The following PIK3R5 variants were observed in gnomAD, a reference collection of about 807,000 sequenced individuals.
PIK3R5 encodes the protein phosphoinositide-3-kinase regulatory subunit 5.
Under a neutral mutation model 94.9 loss-of-function variants are expected in PIK3R5, and 32 were observed. That is an observed-to-expected ratio of 0.34 (90% CI 0.25 to 0.45). The LOEUF (loss-of-function observed/expected upper bound fraction) is 0.45. Ranked by LOEUF, PIK3R5 falls within the 20% of genes least tolerant of loss-of-function variation. The pLI is 1.00. For synonymous variants in PIK3R5, 443 were observed against 479.4 expected, an observed-to-expected ratio of 0.92 and a Z score of 0.99; for missense variants, 853 against 1,144.6, an observed-to-expected ratio of 0.75 and a Z score of 3.68.
At chr17:8,954,197 G>A (rs1404385787) in intron 1 of PIK3R5, among the ~76,000 whole-genome samples, 1 of 152,220 alleles carries the variant, frequency 6.6e-6, no homozygotes, top group African/African-American at 2.4e-5. Context: ...AGACTCAGAG[G>A]GAGGGCTACT....
rs947368675 is a variant in PIK3R5, at chr17:8,911,058, G to A, written c.103+334C>T. ...AACAAACAAACAGGAGAATTCTGGG[G>A]AGAGCTGCCTGTGAATTCCCAGCTG... On this transcript the variant is annotated intron_variant, in intron 2 of 18. Transcript: ENST00000447110. This position sits in a 1 kb window ranked among gnomAD's most constrained non-coding sequence, Gnocchi z 5.3. Among the ~76,000 whole-genome samples the A allele has an allele frequency of 3.9e-5, 6 of 152,208 alleles. No homozygotes were observed. The highest frequency in any genetic ancestry group is 7.3e-5 in the Non-Finnish European group (5 of 68,046).
intron 1 of PIK3R5, among the ~76,000 whole-genome samples, chr17:8,951,172 G>T (rs1222517277): frequency 2.0e-5 from 3 of 152,116 alleles, no homozygotes; most frequent in Non-Finnish European, 2.9e-5. Context: ...TTGTTGATTT[G>T]TTTAAGTTCC....
intron 1 of PIK3R5, among the ~76,000 whole-genome samples, chr17:8,943,827 C>T (rs2091228138): frequency 6.6e-6 from 1 of 151,648 alleles, no homozygotes; most frequent in Non-Finnish European, 1.5e-5. Flanking sequence ...CCTGACCACA[C>T]CTGGCAAATT....
intron 1 of PIK3R5, among the ~76,000 whole-genome samples, chr17:8,932,908 G>T (rs184639033): frequency 6.6e-6 from 1 of 152,058 alleles, no homozygotes; most frequent in East Asian, 1.9e-4. Context: ...ACCCAAGAAG[G>T]ATACGTGCAA....
chr17:8,959,453 A>G (rs2091521360), intron 1 of PIK3R5, among the ~76,000 whole-genome samples: 1 of 152,214 alleles, frequency 6.6e-6, no homozygotes, highest in Admixed American at 6.5e-5. Context: ...ACATGCATTC[A>G]CATGTACATG....
At chr17:8,958,329 G>A (rs2091498909) in intron 1 of PIK3R5, among the ~76,000 whole-genome samples, 1 of 151,134 alleles carries the variant, frequency 6.6e-6, no homozygotes, top group South Asian at 2.1e-4. Context: ...ATCAAACCTA[G>A]CACAGTACTG....
At position 8,880,004 on chromosome 17, in the gene PIK3R5, G is replaced by C. The variant is rs369455077; in HGVS notation, c.*635C>G. On this transcript the variant is annotated 3_prime_UTR_variant, in exon 19 of 19. Transcript: ENST00000447110. ...AGGAGATCAAGAGAGAATCTGTGCC[G>C]GGTTCTGAGAGTAGACAGGTCCAGC... is the stretch of plus-strand genomic sequence containing the variant. 2 of 152,164 alleles carry C rather than the reference G, an allele frequency of 1.3e-5. No individual in the cohort carries two copies. Among genetic ancestry groups the C allele is most frequent in the African/African-American group, 4.8e-5 (2 of 41,444 alleles). 9.4% of individuals were successfully genotyped at this position (152,164 alleles called of 1,614,324 possible). A position where few individuals can be genotyped will look rare whatever the true frequency, so the allele number is the denominator to read the frequency against.
rs757328494 is a variant in PIK3R5 at position 8,888,519 on chromosome 17, C to T, written c.1268G>A (p.Arg423Lys). 1 of 1,611,070 alleles carries T rather than the reference C, an allele frequency of 6.2e-7. No homozygotes were observed. The highest frequency in any genetic ancestry group is 1.3e-5 in the African/African-American group (1 of 74,924). ...GHRRPGQKFIRIYKLFKSTSQ... is the reference protein window; with the variant it reads ...GHRRPGQKFIKIYKLFKSTSQ... The stretch of plus-strand genomic sequence containing the variant: ...GGTGCTCTTGAAGAGTTTATAGATC[C>T]TGATGAACTTCTGCCCAGGCCTGCG... Residue 423 changes from arginine to lysine, a missense_variant, in exon 10 of 19, where the codon AGG becomes AAG. Around this residue, in one of 6 missense-constraint regions of PIK3R5, gnomAD observed 319 missense variants for 339.8 expected, o/e 0.94. Transcript: ENST00000447110. This position sits in a 1 kb window ranked among gnomAD's most constrained non-coding sequence, Gnocchi z 7.8.
In PIK3R5 at chr17:8,887,625, C is replaced by T. The variant is rs749662851; in HGVS notation, c.1675G>A (p.Val559Met). 5.6e-5 allele frequency: 90 copies of T among 1,609,894 alleles called. No homozygotes were observed. The highest frequency in any genetic ancestry group is 2.9e-4 in the East Asian group (13 of 44,778). ...TRFFKLQFFY[V>M]PVKRSHGTSP... ...GTCCCATGACTTCGCTTCACAGGCA[C>T]GTAGAAGAACTGAAGTTTGAAGAAC... Residue 559 changes from valine (V) to methionine (M), a missense_variant, in exon 11 of 19, where the codon GTG becomes ATG. Physicochemically the swap from Val to Met is conservative, Grantham distance 21. Around this residue, in one of 6 missense-constraint regions of PIK3R5, gnomAD observed 319 missense variants for 339.8 expected, o/e 0.94. Coordinates refer to ENST00000447110, the MANE Select transcript of PIK3R5 (RefSeq NM_001142633.3).
In PIK3R5 at chr17:8,881,152, G is replaced by C. The variant is rs1429917283; in HGVS notation, c.2383-135C>G. The C allele has an allele frequency of 2.4e-5, 17 of 694,714 alleles. No homozygotes were observed. Among genetic ancestry groups the C allele is most frequent in the Non-Finnish European group, 3.6e-5 (14 of 387,500 alleles). 43.0% of individuals were successfully genotyped at this position (694,714 alleles called of 1,614,324 possible). On this transcript the variant is annotated intron_variant, in intron 17 of 18. Coordinates refer to ENST00000447110, the MANE Select transcript of PIK3R5 (RefSeq NM_001142633.3). The surrounding 1 kb of genome is among the most constrained non-coding windows in gnomAD (Gnocchi z 4.8). ...CAGGGGTTTGTCTGACTGCGCTCCA[G>C]GGTTAATGGCCAGGTCACAGGAGGG...
Position 8,888,484 on chromosome 17 carries a change from C to T in PIK3R5, c.1303G>A (p.Val435Ile), listed in dbSNP as rs2089939463. 1.9e-6 allele frequency: 3 copies of T among 1,606,476 alleles called. No individual in the cohort carries two copies. Among genetic ancestry groups the T allele is most frequent in the Non-Finnish European group, 2.5e-6 (3 of 1,177,342 alleles). ...YKLFKSTSQL[V>I]LRRDSRSLEG... ...AGGCTCCGAGAGTCCCTCCGCAGTA[C>T]CAGCTGGCTGGTGCTCTTGAAGAGT... Residue 435 changes from valine (V) to isoleucine (I), a missense_variant, in exon 10 of 19, where the codon GTA becomes ATA. By Grantham distance (29) the Val-to-Ile change is conservative. This residue lies in a region of PIK3R5 where 319 missense variants were observed against 339.8 expected (regional missense o/e 0.94). Coordinates refer to ENST00000447110, the MANE Select transcript of PIK3R5 (RefSeq NM_001142633.3). The surrounding 1 kb of genome is among the most constrained non-coding windows in gnomAD (Gnocchi z 7.8).
chr17:8,950,318 T>C (rs548043552), intron 1 of PIK3R5, among the ~76,000 whole-genome samples: 68 of 152,344 alleles, frequency 4.5e-4, no homozygotes, highest in Middle Eastern at 3.4e-3. Context: ...CAATATAAAA[T>C]TTACGATTGT....
chr17:8,929,730 G>A (rs1169443893), intron 1 of PIK3R5, among the ~76,000 whole-genome samples: 2 of 152,122 alleles, frequency 1.3e-5, no homozygotes, highest in African/African-American at 4.8e-5. Context: ...AATACCACAT[G>A]TTCTCACTTT....
intron 1 of PIK3R5, among the ~76,000 whole-genome samples, chr17:8,928,333 A>G (rs1453239891): frequency 4.6e-5 from 7 of 152,362 alleles, no homozygotes; most frequent in Non-Finnish European, 4.4e-5. Context: ...GGGCTGAAAA[A>G]GTACTTGAAT....
In PIK3R5 at chr17:8,895,302, A is replaced by G. The variant is rs145944591; in HGVS notation, c.413-1647T>C. On this transcript the variant is annotated intron_variant, in intron 5 of 18. Coordinates refer to ENST00000447110, the MANE Select transcript of PIK3R5 (RefSeq NM_001142633.3). ...TATTTCTCTTTTCTTTTACTGTTTA[A>G]TGCTTTTAACATTAACCCACACCCC... Among the ~76,000 whole-genome samples, 652 of 152,254 alleles carry G rather than the reference A, an allele frequency of 4.3e-3. 6 individuals are homozygous for G. The highest frequency in any genetic ancestry group is 0.015 in the African/African-American group (619 of 41,546).
At position 8,951,988 on chromosome 17, in the gene PIK3R5, G is replaced by A. The variant is rs568435695; in HGVS notation, c.-14+13608C>T. On this transcript the variant is annotated intron_variant, in intron 1 of 18. Transcript: ENST00000447110. ...CAAGTCATGCTTTTAGAAGGAAGAG[G>A]CATGCACTTCCCTTCCCCCTTTCCC... is the stretch of plus-strand genomic sequence containing the variant. 4.6e-5 allele frequency among the ~76,000 whole-genome samples: 7 copies of A among 152,344 alleles called. No individual in the cohort carries two copies. The South Asian group carries it at 8.3e-4, about 18-fold the overall frequency.
At position 8,888,243 on chromosome 17, in the gene PIK3R5, G is replaced by A. The variant is rs1395300937; in HGVS notation, c.1544C>T (p.Ser515Phe). The change falls in exon 10 of 19, where the codon TCC becomes TTC. Residue 515 changes from serine (S) to phenylalanine (F), a missense_variant. Physicochemically the swap from Ser to Phe is radical, Grantham distance 155. Transcript: ENST00000447110. This position sits in a 1 kb window ranked among gnomAD's most constrained non-coding sequence, Gnocchi z 7.8. ...FLSGDEDPKASTLRVVVFGSD... is the reference protein window; with the variant it reads ...FLSGDEDPKAFTLRVVVFGSD... ...GCCAAAGACCACAACACGTAGCGTG[G>A]AAGCCTTGGGATCCTCATCTCCACT... 1 of 1,613,514 alleles carries A rather than the reference G, an allele frequency of 6.2e-7. No homozygotes were observed. Among genetic ancestry groups the A allele is most frequent in the East Asian group, 2.2e-5 (1 of 44,838 alleles).
chr17:8,880,823 C>A, intron 18 of PIK3R5, 37 bp from the exon 19 acceptor site: 1 of 1,612,676 alleles, frequency 6.2e-7, no homozygotes, highest in African/African-American at 1.3e-5. Context: ...TCAGAGCAGG[C>A]CCCCATCCTT....
chr17:8,950,905 C>T (rs73254505), intron 1 of PIK3R5, among the ~76,000 whole-genome samples: 130 of 152,240 alleles, frequency 8.5e-4, no homozygotes, highest in African/African-American at 3.0e-3. Context: ...AACTAATTTA[C>T]GCTCCCACCA....
Sources: allele counts gnomAD v4.1 joint callset (sites outside exome capture counted in the v4.1 genomes callset), GRCh38; gene constraint gnomAD v4.1.1; regional missense constraint gnomAD v4.1.1; non-coding constraint Gnocchi (gnomAD v3.1); transcripts MANE v1.5; gene names NCBI Gene and HGNC (gene_info 2026-07-23, HGNC 2026-07-21).